Variants in JMJD1C observed in about 807,000 individuals in gnomAD.
The protein encoded by JMJD1C is jumonji domain containing 1C.
In JMJD1C, 31 loss-of-function variants were observed where a neutral mutation model predicts 245.3. That is an observed-to-expected ratio of 0.13 (90% CI 0.09 to 0.17). The LOEUF (loss-of-function observed/expected upper bound fraction) is 0.17. Among genes scored for constraint, JMJD1C ranks in the 10% least tolerant of loss-of-function variants. The pLI, the probability that JMJD1C is intolerant of heterozygous loss-of-function variation, is 1.00. For synonymous variants in JMJD1C, 1,057 were observed against 1,017.4 expected (o/e 1.04, Z -0.74); for missense variants, 2,691 against 3,000.2 (o/e 0.90, Z 2.41).
At chr10:63,193,571 G>T in intron 14 of JMJD1C, 99 bp from the exon 15 acceptor site, 12 of 734,470 alleles carry the variant, frequency 1.6e-5, no homozygotes, top group Non-Finnish European at 2.3e-5. Flanking sequence ...TGGGAATAAC[G>T]GAGGTTTTCT....
chr10:63,269,678 G>C (rs958110763), intron 2 of JMJD1C, among the ~76,000 whole-genome samples: 1 of 151,718 alleles, frequency 6.6e-6, no homozygotes, highest in East Asian at 1.9e-4. Context: ...CAATCTCATA[G>C]GCATTTTACT....
At chr10:63,485,783 T>C (rs1953973767) in intron 1 of JMJD1C, among the ~76,000 whole-genome samples, 1 of 152,154 alleles carries the variant, frequency 6.6e-6, no homozygotes, top group Non-Finnish European at 1.5e-5. Context: ...AGCAATTAAA[T>C]CTATTAACTT....
chr10:63,224,520 C>T (rs1428601812), intron 3 of JMJD1C, among the ~76,000 whole-genome samples: 1 of 152,046 alleles, frequency 6.6e-6, no homozygotes, highest in Non-Finnish European at 1.5e-5. Flanking sequence ...TCATCATTCC[C>T]ATTTTAAAGA....
At chr10:63,316,539 C>A (rs188137029) in intron 2 of JMJD1C, among the ~76,000 whole-genome samples, 383 of 152,206 alleles carry the variant, frequency 2.5e-3, no homozygotes, top group African/African-American at 9.0e-3. Context: ...CTTCCGCCTC[C>A]TGTGTTCAAG....
intron 3 of JMJD1C, among the ~76,000 whole-genome samples, chr10:63,263,953 TACACATACACACACAC>T (rs1855149278): frequency 2.9e-5 from 1 of 33,958 alleles, no homozygotes; most frequent in African/African-American, 1.4e-4. Context: ...AAAAAAAAAA[TACACATACACACACAC>T]ACACACACAC....
At position 63,208,680 on chromosome 10, in the gene JMJD1C, C is replaced by A; in HGVS notation, c.2989G>T (p.Val997Leu). The change falls in exon 10 of 26, where the codon GTG becomes TTG. Residue 997 changes from valine to leucine, a missense_variant. Transcript: ENST00000399262. The stretch of plus-strand genomic sequence containing the variant: ...TGTAACTGATTTAATACTGGATCCA[C>A]AAAATGCCTATGTAAGTGACAATCT... ...GKDCHLHRHF[V>L]DPVLNQLQRP... The A allele has an allele frequency of 6.2e-7, 1 of 1,614,112 alleles. No individual in the cohort carries two copies. Among genetic ancestry groups the A allele is most frequent in the Non-Finnish European group, 8.5e-7 (1 of 1,179,964 alleles).
chr10:63,252,136 G>A (rs1157222602), intron 3 of JMJD1C, among the ~76,000 whole-genome samples: 1 of 152,196 alleles, frequency 6.6e-6, no homozygotes, highest in Non-Finnish European at 1.5e-5. Flanking sequence ...ATGAATGAGA[G>A]AACTTGCCAA....
chr10:63,411,500 T>C (rs773530707), intron 1 of JMJD1C, among the ~76,000 whole-genome samples: 5 of 151,920 alleles, frequency 3.3e-5, no homozygotes, highest in Non-Finnish European at 4.4e-5. Context: ...GTTTTCACCA[T>C]GTTGGTCAGG....
intron 3 of JMJD1C, among the ~76,000 whole-genome samples, chr10:63,261,632 C>T (rs1018315895): frequency 2.0e-5 from 3 of 152,136 alleles, no homozygotes; most frequent in African/African-American, 7.2e-5. Flanking sequence ...ATCTGATATT[C>T]AATACATTCA....
intron 2 of JMJD1C, among the ~76,000 whole-genome samples, chr10:63,348,724 C>A (rs75230052): frequency 6.6e-6 from 1 of 152,260 alleles, no homozygotes; most frequent in African/African-American, 2.4e-5. Context: ...GTGTTTGGGT[C>A]ATGGGGACGT....
At chr10:63,257,763 T>C (rs907930498) in intron 3 of JMJD1C, among the ~76,000 whole-genome samples, 32 of 152,332 alleles carry the variant, frequency 2.1e-4, no homozygotes, top group Admixed American at 1.5e-3. Context: ...TCTTTTCTAA[T>C]ATCATTTTCT....
chr10:63,204,526 G>A (rs1422837386), intron 10 of JMJD1C: 1 of 985,128 alleles, frequency 1.0e-6, no homozygotes, highest in Non-Finnish European at 1.2e-6. Flanking sequence ...TCAAGTATCT[G>A]AACACCCAAC....
chr10:63,343,357 A>G (rs1429277700), intron 2 of JMJD1C, among the ~76,000 whole-genome samples: 1 of 146,716 alleles, frequency 6.8e-6, no homozygotes, highest in Non-Finnish European at 1.5e-5. Context: ...CAAGAGTGAA[A>G]CTCCATCTCA....
rs751970423 is a variant in JMJD1C, at chr10:63,167,899, G to A, written c.*146C>T. The stretch of plus-strand genomic sequence containing the variant: ...GAGCTGTGACATATGCTATACTGCT[G>A]TGGTGTCAGTAACAAGTAATTACTA... On this transcript the variant is annotated 3_prime_UTR_variant, in exon 26 of 26. Coordinates refer to ENST00000399262, the MANE Select transcript of JMJD1C (RefSeq NM_032776.3). 1.7e-4 allele frequency: 106 copies of A among 607,118 alleles called. No individual in the cohort carries two copies. The highest frequency in any genetic ancestry group is 2.9e-4 in the Non-Finnish European group (99 of 338,806). 37.6% of individuals were successfully genotyped at this position (607,118 alleles called of 1,614,324 possible). A position where few individuals can be genotyped will look rare whatever the true frequency, so the allele number is the denominator to read the frequency against.
chr10:63,339,575 G>A lies in JMJD1C; in HGVS notation c.333+40743C>T, dbSNP rs77905838. On this transcript the variant is annotated intron_variant, in intron 2 of 25. Transcript: ENST00000399262. ...GGATGGGAGGATCCCTTGAGTCAGG[G>A]AGTTCAAGACCAGCCTGGGCAACAT... Among the ~76,000 whole-genome samples the A allele has an allele frequency of 3.4e-3, 513 of 152,178 alleles. 11 individuals are homozygous for A. Among genetic ancestry groups the A allele is most frequent in the Admixed American group, 0.031 (469 of 15,284 alleles).
intron 1 of JMJD1C, among the ~76,000 whole-genome samples, chr10:63,420,928 T>C (rs78179918): frequency 0.013 from 2,024 of 151,968 alleles, 30 homozygotes; most frequent in African/African-American, 0.034. Context: ...AACCAAAACA[T>C]GCATTTTTGA....
chr10:63,207,324 T>G lies in JMJD1C; in HGVS notation c.4345A>C (p.Lys1449Gln). The G allele has an allele frequency of 1.2e-6, 2 of 1,613,652 alleles. No homozygotes were observed. The highest frequency in any genetic ancestry group is 1.7e-6 in the Non-Finnish European group (2 of 1,180,004). The change falls in exon 10 of 26, where the codon AAG (lysine) becomes CAG (glutamine). Residue 1449 changes from lysine to glutamine, a missense_variant. By Grantham distance (53) the Lys-to-Gln change is moderately conservative. Transcript: ENST00000399262. The part of the protein sequence containing the change: ...SQPVAQKQEC[K>Q]VSTTAPVTLA... ...GTAACTGGTGCTGTGGTGCTGACCTTGCATTCTTGTTTTTGAGCCACTGGC... is the reference window on the plus strand; with the variant it reads ...GTAACTGGTGCTGTGGTGCTGACCTGGCATTCTTGTTTTTGAGCCACTGGC...
intron 3 of JMJD1C, among the ~76,000 whole-genome samples, chr10:63,246,696 T>A (rs6479891): frequency 6.6e-6 from 1 of 152,046 alleles, no homozygotes; most frequent in South Asian, 2.1e-4. Context: ...TACAATGCCA[T>A]GAAACAAGCC....
intron 1 of JMJD1C, among the ~76,000 whole-genome samples, chr10:63,440,391 G>A (rs965533239): frequency 4.7e-5 from 7 of 149,762 alleles, no homozygotes; most frequent in Non-Finnish European, 8.9e-5. Context: ...GAGAGAGAGC[G>A]CAAGCGTGCG....
Sources: allele counts gnomAD v4.1 joint callset (sites outside exome capture counted in the v4.1 genomes callset), GRCh38; gene constraint gnomAD v4.1.1; transcripts MANE v1.5; gene names NCBI Gene and HGNC (gene_info 2026-07-23, HGNC 2026-07-21).